The following RPS6KA3 variants were observed in gnomAD, a reference collection of about 807,000 sequenced individuals.
The protein encoded by RPS6KA3 is ribosomal protein S6 kinase alpha-3.
RPS6KA3 carries 4 observed loss-of-function variants against 67.2 expected under a neutral mutation model. The observed-to-expected ratio is 0.06, with a 90% CI of 0.03 to 0.14. RPS6KA3 has a LOEUF of 0.14. Ranked by LOEUF, RPS6KA3 falls within the 10% of genes least tolerant of loss-of-function variation. The pLI is 1.00. For synonymous variants in RPS6KA3, 182 were observed against 183.7 expected, an observed-to-expected ratio of 0.99 and a Z score of 0.07; for missense variants, 204 against 559.0, an observed-to-expected ratio of 0.36 and a Z score of 6.40.
At chrX:20,223,401 G>T (rs2069032463) in intron 2 of RPS6KA3, among the ~76,000 whole-genome samples, 1 of 110,353 alleles carries the variant, frequency 9.1e-6, no homozygotes, top group Admixed American at 9.6e-5. Context: ...GCATTATAAG[G>T]GTGGACGGAA....
intron 1 of RPS6KA3, among the ~76,000 whole-genome samples, chrX:20,242,128 T>C (rs1373292059): frequency 9.0e-6 from 1 of 111,324 alleles, no homozygotes; most frequent in African/African-American, 3.3e-5. Context: ...ATAAACAATA[T>C]AAAAGAAAAA....
rs1232639733 is a variant in RPS6KA3 at position 20,266,857 on chromosome X, G to A, written c.-225C>T. 7 of 428,950 alleles carry A rather than the reference G, an allele frequency of 1.6e-5. No individual in the cohort carries two copies. The highest frequency in any genetic ancestry group is 2.0e-5 in the Non-Finnish European group (7 of 343,129). The allele number at this position is 428,950 out of a possible 1,213,427, so 35.4% of individuals were successfully genotyped here. ...CGCGCGCCTGGCCAGAGACGCCCGC[G>A]CGCTGAGCGAGAGCCTCGCGCCTCC... is the stretch of plus-strand genomic sequence containing the variant. On this transcript the variant is annotated 5_prime_UTR_variant, in exon 1 of 22. Transcript: ENST00000379565.
chrX:20,224,926 A>AT (rs1340931953), intron 2 of RPS6KA3, among the ~76,000 whole-genome samples: 2 of 110,926 alleles, frequency 1.8e-5, no homozygotes, highest in African/African-American at 6.6e-5. Flanking sequence ...CTGTCCACAC[A>AT]TTTTTTTTCT....
chrX:20,176,937 C>T (rs1366927752), intron 11 of RPS6KA3, 59 bp downstream of exon 11: 5 of 848,331 alleles, frequency 5.9e-6, no homozygotes, highest in East Asian at 6.3e-5. Flanking sequence ...ATATCTACTC[C>T]CCGCTAAAAA....
intron 9 of RPS6KA3, 132 bp downstream of exon 9, chrX:20,187,696 A>T: frequency 1.6e-6 from 1 of 606,379 alleles, no homozygotes; most frequent in Non-Finnish European, 2.8e-6. Context: ...TGCATGCAAT[A>T]ATGTTTCTTG....
intron 8 of RPS6KA3, 93 bp from the exon 9 acceptor site, chrX:20,188,063 T>C: frequency 2.3e-6 from 2 of 857,835 alleles, no homozygotes; most frequent in Middle Eastern, 3.5e-4. Context: ...AAATTTCTAA[T>C]ACAAGTTTTT....
At chrX:20,159,197 T>C (rs182815854) in intron 20 of RPS6KA3, among the ~76,000 whole-genome samples, 1 of 112,557 alleles carries the variant, frequency 8.9e-6, no homozygotes, top group African/African-American at 3.2e-5. Context: ...ACAACTGCTC[T>C]AATATAGGTC....
chrX:20,197,179 C>T (rs1427105160), intron 4 of RPS6KA3, among the ~76,000 whole-genome samples: 1 of 112,654 alleles, frequency 8.9e-6, no homozygotes, highest in East Asian at 2.8e-4. Flanking sequence ...TGAAGTTCAT[C>T]ACCAATACCT....
At position 20,167,578 on chromosome X, in the gene RPS6KA3, A is replaced by G; in HGVS notation, c.1602+11T>C. 2 of 1,205,180 alleles carry G rather than the reference A, an allele frequency of 1.7e-6. No homozygotes were observed. The highest frequency in any genetic ancestry group is 2.2e-6 in the Non-Finnish European group (2 of 889,417). On this transcript the variant is annotated intron_variant, in intron 17 of 21. Coordinates refer to ENST00000379565, the MANE Select transcript of RPS6KA3 (RefSeq NM_004586.3). ...GTGTGTATGTACATATAGAGTGGTA[A>G]AAAGACTTACCCCTTGTGCGTGAAG...
At chrX:20,172,057 A>G (rs2067586958) in intron 15 of RPS6KA3, among the ~76,000 whole-genome samples, 1 of 112,082 alleles carries the variant, frequency 8.9e-6, no homozygotes, top group African/African-American at 3.2e-5. Context: ...ATCTCTCTAA[A>G]CATGAGCTAT....
At chrX:20,177,960 A>G (rs1487724522) in intron 10 of RPS6KA3, among the ~76,000 whole-genome samples, 6 of 112,192 alleles carry the variant, frequency 5.3e-5, no homozygotes. Flanking sequence ...CTTTTTCCAA[A>G]CCTACAAATT....
intron 2 of RPS6KA3, among the ~76,000 whole-genome samples, chrX:20,230,303 A>C (rs1326422495): frequency 8.9e-6 from 1 of 112,237 alleles, no homozygotes; most frequent in Non-Finnish European, 1.9e-5. Context: ...TAAGCAATGG[A>C]ATCTGGTATG....
intron 2 of RPS6KA3, among the ~76,000 whole-genome samples, chrX:20,212,741 A>C (rs1003933420): frequency 9.0e-6 from 1 of 110,616 alleles, no homozygotes; most frequent in Non-Finnish European, 1.9e-5. Context: ...CCTGTCTCAA[A>C]AGAAAAAAAA....
intron 2 of RPS6KA3, among the ~76,000 whole-genome samples, chrX:20,222,686 T>G (rs893283089): frequency 5.4e-5 from 6 of 111,794 alleles, no homozygotes; most frequent in African/African-American, 2.0e-4. Context: ...ATAACATTGG[T>G]TATTGACTAG....
intron 7 of RPS6KA3, among the ~76,000 whole-genome samples, chrX:20,189,424 G>T (rs2068068603): frequency 8.9e-6 from 1 of 112,220 alleles, no homozygotes; most frequent in Non-Finnish European, 1.9e-5. Context: ...GTACATTCAT[G>T]GAGGGTAGAG....
chrX:20,221,676 G>C lies in RPS6KA3; in HGVS notation c.127-12272C>G, dbSNP rs2068990569. Among the ~76,000 whole-genome samples, 3 of 112,157 alleles carry C rather than the reference G, an allele frequency of 2.7e-5. No individual in the cohort carries two copies. In the Admixed American group the frequency reaches 2.8e-4, roughly 11 times the overall value. ...ACAGAAACAGGTGACAGGCCCATGA[G>C]TGTAGTTTGCTGACCCCTGTTCTCT... On this transcript the variant is annotated intron_variant, in intron 2 of 21. Coordinates refer to ENST00000379565, the MANE Select transcript of RPS6KA3 (RefSeq NM_004586.3).
chrX:20,265,778 T>C (rs1368681654), intron 1 of RPS6KA3: 1 of 110,233 alleles, frequency 9.1e-6, no homozygotes, highest in East Asian at 2.8e-4. Flanking sequence ...GTATATTGTT[T>C]GGGTTTTGGG....
intron 3 of RPS6KA3, among the ~76,000 whole-genome samples, chrX:20,208,082 C>T (rs928508996): frequency 6.7e-4 from 74 of 110,901 alleles, no homozygotes; most frequent in Admixed American, 6.3e-3. Flanking sequence ...CACAGACTGG[C>T]GCGGTGGGAG....
At position 20,153,435 on chromosome X, in the gene RPS6KA3, C is replaced by T. The variant is rs2067135414; in HGVS notation, c.*1963G>A. The T allele has an allele frequency of 9.0e-6, 1 of 111,460 alleles. No individual in the cohort carries two copies. The highest frequency in any genetic ancestry group is 3.7e-4 in the South Asian group (1 of 2,675). 9.2% of individuals were successfully genotyped at this position (111,460 alleles called of 1,213,427 possible). On this transcript the variant is annotated 3_prime_UTR_variant, in exon 22 of 22. Transcript: ENST00000379565. ...GAAATGTTATAGATTTCCCCTTTCT[C>T]TTTAATTGCATAGAGGAGAAATTAA...
Sources: allele counts gnomAD v4.1 joint callset (sites outside exome capture counted in the v4.1 genomes callset), GRCh38; gene constraint gnomAD v4.1.1; transcripts MANE v1.5; gene names NCBI Gene and HGNC (gene_info 2026-07-23, HGNC 2026-07-21).